CES5A: variants seen among roughly 807,000 people sequenced by gnomAD.
The protein encoded by CES5A is carboxylesterase 5.
CES5A carries 67 observed loss-of-function variants against 62.9 expected under a neutral mutation model. The ratio of observed to expected loss-of-function variants is 1.07; its 90% CI spans 0.88 to 1.31. The LOEUF (loss-of-function observed/expected upper bound fraction) is 1.31, where lower values mean the gene tolerates loss of function less well. CES5A is among the 50% of genes most tolerant of loss of function. The pLI is 0.00. For synonymous variants in CES5A, 296 were observed against 280.8 expected, an observed-to-expected ratio of 1.05 and a Z score of -0.54; for missense variants, 748 against 708.5, an observed-to-expected ratio of 1.06 and a Z score of -0.63.
At chr16:55,926,943 T>C (rs570971623), upstream of CES5A, among the ~76,000 whole-genome samples, 1 of 152,342 alleles carries the variant, frequency 6.6e-6, no homozygotes, top group African/African-American at 2.4e-5. Context: ...TAAAGCCATG[T>C]TTCCTCTTCT....
At chr16:55,951,197 A>C (rs2034554247) in intron 1 of CES5A, among the ~76,000 whole-genome samples, 1 of 152,020 alleles carries the variant, frequency 6.6e-6, no homozygotes, top group South Asian at 2.1e-4. Context: ...CAACGAACAA[A>C]ACAGATTAAT....
At chr16:55,894,026 A>T (rs1380420399) in intron 1 of CES5A, among the ~76,000 whole-genome samples, 1 of 152,202 alleles carries the variant, frequency 6.6e-6, no homozygotes, top group Non-Finnish European at 1.5e-5. Context: ...AGCAATAAGA[A>T]TGGTGTCTAT....
rs56017491 is a variant in CES5A at position 55,854,544 on chromosome 16, C to CTTTTTT, written c.1126-1522_1126-1517dup. On this transcript the variant is annotated intron_variant, in intron 9 of 12. Coordinates refer to ENST00000290567, the MANE Select transcript of CES5A (RefSeq NM_001143685.2). ...CCTGTAGTGTTTCTTTTTTTTTTTT[C>CTTTTTT]TTTTTTTTTTTTTGAGACAGAGTCT... 1.0e-3 allele frequency among the ~76,000 whole-genome samples: 66 copies of CTTTTTT among 64,418 alleles called. 9 individuals carry two copies. The highest frequency in any genetic ancestry group is 4.1e-3 in the African/African-American group (59 of 14,320). The allele number at this position is 64,418 out of a possible 152,430, so 42.3% of individuals were successfully genotyped here. A position where few individuals can be genotyped will look rare whatever the true frequency, so the allele number is the denominator to read the frequency against.
upstream of CES5A, among the ~76,000 whole-genome samples, chr16:55,926,276 G>A (rs1160553089): frequency 6.6e-6 from 1 of 152,062 alleles, no homozygotes; most frequent in African/African-American, 2.4e-5. Context: ...AAAAAGAATA[G>A]AAAAAAGGCA....
At chr16:55,941,765 C>A (rs1324468478) in intron 2 of CES5A, among the ~76,000 whole-genome samples, 1 of 152,076 alleles carries the variant, frequency 6.6e-6, no homozygotes, top group Non-Finnish European at 1.5e-5. Flanking sequence ...AGCAAAAGAA[C>A]AGGCACATAG....
intron 2 of CES5A, 83 bp from the exon 3 acceptor site, chr16:55,871,846 A>G (rs1166943277): frequency 6.8e-7 from 1 of 1,479,390 alleles, no homozygotes; most frequent in East Asian, 2.3e-5. Context: ...GACAGCGGGG[A>G]GGCCTGGCCG....
At chr16:55,915,973 C>A (rs1002862112) in intron 1 of CES5A, among the ~76,000 whole-genome samples, 9 of 152,108 alleles carry the variant, frequency 5.9e-5, no homozygotes, top group Non-Finnish European at 1.3e-4. Flanking sequence ...AGTGGCATTG[C>A]AATAAAGAAA....
At chr16:55,850,541 T>C (rs116406982) in intron 10 of CES5A, among the ~76,000 whole-genome samples, 384 of 152,344 alleles carry the variant, frequency 2.5e-3, no homozygotes, top group South Asian at 0.023. Context: ...ATCTGTGTTG[T>C]AGCATCCGTC....
At chr16:55,913,114 G>A (rs751218653) in intron 1 of CES5A, among the ~76,000 whole-genome samples, 20 of 152,174 alleles carry the variant, frequency 1.3e-4, no homozygotes, top group Non-Finnish European at 2.6e-4. Flanking sequence ...GAGCATTCAG[G>A]GATCAGAGTT....
chr16:55,899,147 C>T (rs1034837155), intron 1 of CES5A, among the ~76,000 whole-genome samples: 8 of 152,166 alleles, frequency 5.3e-5, no homozygotes, highest in Non-Finnish European at 1.2e-4. Flanking sequence ...TGTTTAAGTG[C>T]CTGCCCTAGG....
At position 55,852,905 on chromosome 16, in the gene CES5A, G is replaced by A. The variant is rs201433946; in HGVS notation, c.1249C>T (p.Leu417=). 3.1e-5 allele frequency: 50 copies of A among 1,613,936 alleles called. 2 individuals are homozygous for A. The highest frequency in any genetic ancestry group is 4.2e-5 in the Non-Finnish European group (49 of 1,180,028). Residue 417 remains leucine, a synonymous_variant, in exon 10 of 13, where the codon CTG becomes TTG. Transcript: ENST00000290567. ...LGDVFFVVPA[L]ITARYHRDAG... is the part of the protein sequence containing the mutation. ...CCTCTGTGATATCGAGCTGTGATCA[G>A]TGCAGGGACCACAAAGAACACATCT...
At chr16:55,954,189 A>C (rs2034585142) in intron 1 of CES5A, among the ~76,000 whole-genome samples, 1 of 152,124 alleles carries the variant, frequency 6.6e-6, no homozygotes. Flanking sequence ...TTTCCCTTCC[A>C]ACAGAACCAA....
At chr16:55,908,635 C>T (rs764528937) in intron 1 of CES5A, among the ~76,000 whole-genome samples, 4 of 152,218 alleles carry the variant, frequency 2.6e-5, no homozygotes, top group African/African-American at 4.8e-5. Flanking sequence ...GCTGGGATTA[C>T]AAGCGTGAAC....
intron 2 of CES5A, among the ~76,000 whole-genome samples, chr16:55,935,128 A>C (rs1212963356): frequency 6.6e-6 from 1 of 152,114 alleles, no homozygotes; most frequent in Non-Finnish European, 1.5e-5. Flanking sequence ...TTTTTAGTAG[A>C]GATGGAGTTT....
intron 1 of CES5A, among the ~76,000 whole-genome samples, chr16:55,884,489 T>G (rs547975261): frequency 5.9e-5 from 9 of 152,048 alleles, no homozygotes; most frequent in African/African-American, 1.9e-4. Context: ...ACTCTGAGAC[T>G]CCCCCTCTTC....
chr16:55,924,942 A>G (rs539040204), intron 1 of CES5A, among the ~76,000 whole-genome samples: 1 of 152,068 alleles, frequency 6.6e-6, no homozygotes, highest in Non-Finnish European at 1.5e-5. Context: ...TAAACGCCAC[A>G]GGACATTGGT....
intron 10 of CES5A, among the ~76,000 whole-genome samples, chr16:55,850,371 A>C (rs1894880): frequency 0.71 from 108,064 of 152,088 alleles, 38,485 homozygotes; most frequent in East Asian, 0.78. Flanking sequence ...CATTTAGCAG[A>C]CACTCCCCAT....
chr16:55,881,421 G>A (rs1200308890), intron 1 of CES5A, among the ~76,000 whole-genome samples: 1 of 152,172 alleles, frequency 6.6e-6, no homozygotes, highest in Non-Finnish European at 1.5e-5. Context: ...CCTGAGGGGT[G>A]GAGCAGAAGG....
intron 7 of CES5A, among the ~76,000 whole-genome samples, chr16:55,860,591 C>T (rs2033333104): frequency 6.6e-6 from 1 of 152,180 alleles, no homozygotes; most frequent in Non-Finnish European, 1.5e-5. Context: ...TTGTAGGAGA[C>T]TGTAGGTGTC....
Sources: gnomAD v4.1 joint callset for allele counts (sites outside exome capture counted in the v4.1 genomes callset) on GRCh38, gnomAD v4.1.1 for gene constraint, MANE v1.5 for transcripts, NCBI Gene and HGNC (gene_info 2026-07-23, HGNC 2026-07-21) for gene names.